Variants in KCNMA1 observed in about 807,000 individuals in gnomAD.
KCNMA1 encodes Calcium-activated potassium channel subunit alpha-1.
Under a neutral mutation model 140.0 loss-of-function variants are expected in KCNMA1, and 29 were observed. That is an observed-to-expected ratio of 0.21 (90% confidence interval 0.15 to 0.28). The LOEUF is 0.28. Among genes scored for constraint, KCNMA1 ranks in the 10% least tolerant of loss-of-function variants. The pLI is 1.00. For synonymous variants in KCNMA1, 612 were observed against 611.9 expected (o/e 1.00, Z 0.00); for missense variants, 880 against 1,602.2 (o/e 0.55, Z 7.70).
At chr10:77,428,868 C>T (rs535768028) in intron 1 of KCNMA1, among the ~76,000 whole-genome samples, 1 of 152,318 alleles carries the variant, frequency 6.6e-6, no homozygotes, top group South Asian at 2.1e-4. Context: ...TCTGCGGGAA[C>T]TGCTCCTGGC....
chr10:76,900,604 C>T (rs2044736986), intron 25 of KCNMA1, among the ~76,000 whole-genome samples: 1 of 152,024 alleles, frequency 6.6e-6, no homozygotes, highest in Non-Finnish European at 1.5e-5. Flanking sequence ...ATATAGCAAA[C>T]TGTTTAATCT....
At chr10:76,993,891 T>C (rs1173803228) in intron 19 of KCNMA1, among the ~76,000 whole-genome samples, 3 of 152,244 alleles carry the variant, frequency 2.0e-5, no homozygotes, top group African/African-American at 7.2e-5. Flanking sequence ...TCTAGCCAAA[T>C]TGGGTGGCCA....
intron 1 of KCNMA1, among the ~76,000 whole-genome samples, chr10:77,474,470 G>A (rs1397540495): frequency 2.6e-5 from 4 of 152,146 alleles, no homozygotes; most frequent in Admixed American, 6.5e-5. Flanking sequence ...GAGAGGCCTC[G>A]GAGGAAACCA....
At chr10:77,162,020 T>C (rs1294861430) in intron 5 of KCNMA1, among the ~76,000 whole-genome samples, 5 of 152,240 alleles carry the variant, frequency 3.3e-5, no homozygotes, top group Non-Finnish European at 7.3e-5. Flanking sequence ...TCCTGTTCTT[T>C]CCTTCCTTTG....
At chr10:76,998,817 T>G (rs1169049928) in intron 19 of KCNMA1, among the ~76,000 whole-genome samples, 1 of 152,192 alleles carries the variant, frequency 6.6e-6, no homozygotes, top group Non-Finnish European at 1.5e-5. Flanking sequence ...GAGACAGACA[T>G]TTTTATAATT....
intron 15 of KCNMA1, among the ~76,000 whole-genome samples, chr10:77,029,190 T>C (rs1008720166): frequency 3.3e-5 from 5 of 152,226 alleles, no homozygotes; most frequent in African/African-American, 1.2e-4. Flanking sequence ...AATAATTACA[T>C]ACATGATGTA....
chr10:77,467,911 T>G (rs2098065576), intron 1 of KCNMA1, among the ~76,000 whole-genome samples: 1 of 152,264 alleles, frequency 6.6e-6, no homozygotes, highest in African/African-American at 2.4e-5. Flanking sequence ...GATCTCATTC[T>G]GGTAGTACAC....
intron 2 of KCNMA1, among the ~76,000 whole-genome samples, chr10:77,330,307 C>T (rs1301996657): frequency 6.6e-6 from 1 of 152,216 alleles, no homozygotes; most frequent in Non-Finnish European, 1.5e-5. Flanking sequence ...ACTCTCCACT[C>T]CCTTACCCAG....
chr10:77,117,855 A>G (rs1318644), intron 6 of KCNMA1, among the ~76,000 whole-genome samples: 21,246 of 152,154 alleles, frequency 0.14, 1,937 homozygotes, highest in Non-Finnish European at 0.2. Flanking sequence ...GCTATGGAGT[A>G]TTCTAGGCCC....
intron 2 of KCNMA1, among the ~76,000 whole-genome samples, chr10:77,400,817 C>G (rs2096239909): frequency 6.6e-6 from 1 of 152,152 alleles, no homozygotes; most frequent in Admixed American, 6.5e-5. Context: ...AAGGTTAGCA[C>G]AGTGCCTGGA....
At chr10:77,321,660 G>A (rs964768269) in intron 2 of KCNMA1, among the ~76,000 whole-genome samples, 7 of 152,018 alleles carry the variant, frequency 4.6e-5, no homozygotes, top group Admixed American at 2.6e-4. Context: ...AGGCAGTGTC[G>A]GTTTTTTTTT....
At chr10:77,627,614 C>G (rs909130374) in intron 1 of KCNMA1, among the ~76,000 whole-genome samples, 1 of 152,202 alleles carries the variant, frequency 6.6e-6, no homozygotes, top group African/African-American at 2.4e-5. Context: ...CATTCTACGT[C>G]TCAACACTGC....
At chr10:77,634,360 C>A (rs1006940247) in intron 1 of KCNMA1, 40 of 985,298 alleles carry the variant, frequency 4.1e-5, no homozygotes, top group Non-Finnish European at 4.8e-5. Flanking sequence ...AGTCCACATG[C>A]CACTCTTTTC....
chr10:76,932,341 A>C (rs1266768808), intron 23 of KCNMA1, among the ~76,000 whole-genome samples: 1 of 152,200 alleles, frequency 6.6e-6, no homozygotes, highest in African/African-American at 2.4e-5. Context: ...CCTGTATCTC[A>C]TTGAATTCTC....
chr10:77,611,252 C>T (rs2086746095), intron 1 of KCNMA1, among the ~76,000 whole-genome samples: 1 of 152,216 alleles, frequency 6.6e-6, no homozygotes, highest in South Asian at 2.1e-4. Context: ...CTCTCAGAAC[C>T]TGTGCTAGGA....
chr10:77,623,265 A>G (rs1463865366), intron 1 of KCNMA1, among the ~76,000 whole-genome samples: 1 of 152,222 alleles, frequency 6.6e-6, no homozygotes, highest in Non-Finnish European at 1.5e-5. Context: ...CAGCACTTGC[A>G]TTGCCTGTCA....
intron 1 of KCNMA1, among the ~76,000 whole-genome samples, chr10:77,591,047 G>A (rs1017122272): frequency 1.3e-5 from 2 of 152,168 alleles, no homozygotes; most frequent in African/African-American, 2.4e-5. Context: ...CAGACAGCGA[G>A]CAAGGCCCAG....
At chr10:77,260,819 G>A (rs2246635) in intron 2 of KCNMA1, among the ~76,000 whole-genome samples, 63,630 of 151,890 alleles carry the variant, frequency 0.42, 13,648 homozygotes, top group Admixed American at 0.47. Context: ...AACTGAGGTG[G>A]CAGATATAGG....
intron 1 of KCNMA1, among the ~76,000 whole-genome samples, chr10:77,522,633 C>A (rs2053883684): frequency 1.3e-5 from 2 of 152,186 alleles, no homozygotes; most frequent in African/African-American, 2.4e-5. Flanking sequence ...TACAGGGAAG[C>A]AGAGTTGTGG....
Sources: gnomAD v4.1 joint callset for allele counts (sites outside exome capture counted in the v4.1 genomes callset) on GRCh38, gnomAD v4.1.1 for gene constraint, MANE v1.5 for transcripts, NCBI Gene and HGNC (gene_info 2026-07-23, HGNC 2026-07-21) for gene names.